The following SH3RF3 variants were observed in gnomAD, a reference collection of about 807,000 sequenced individuals.
SH3RF3 encodes SH3 domain containing ring finger 3, also known as E3 ubiquitin-protein ligase SH3RF3.
In SH3RF3, 29 loss-of-function variants were observed where a neutral mutation model predicts 66.3. The observed-to-expected ratio is 0.44, with a 90% CI of 0.33 to 0.60. The LOEUF is 0.60. Among genes scored for constraint, SH3RF3 ranks in the 20% least tolerant of loss-of-function variants. The pLI is 0.04. For synonymous variants in SH3RF3, 583 were observed against 532.0 expected, an observed-to-expected ratio of 1.10 and a Z score of -1.32; for missense variants, 1,194 against 1,190.9, an observed-to-expected ratio of 1.00 and a Z score of -0.04.
chr2:109,199,362 A>G (rs1213172926), intron 1 of SH3RF3, among the ~76,000 whole-genome samples: 4 of 21,496 alleles, frequency 1.9e-4, no homozygotes, highest in Admixed American at 6.9e-4. Flanking sequence ...ATGGAATGGA[A>G]TGGAATGGAA....
chr2:109,456,472 G>A (rs558203061), intron 8 of SH3RF3, among the ~76,000 whole-genome samples: 2 of 152,340 alleles, frequency 1.3e-5, no homozygotes, highest in South Asian at 4.1e-4. Flanking sequence ...TGACAGGAGT[G>A]GCAACCTTTC....
intron 1 of SH3RF3, among the ~76,000 whole-genome samples, chr2:109,135,117 A>T (rs1025593275): frequency 2.0e-5 from 3 of 152,184 alleles, no homozygotes; most frequent in African/African-American, 7.2e-5. Flanking sequence ...TCCCATGACA[A>T]CACCCAGTAG....
chr2:109,412,916 C>T (rs917804570), intron 4 of SH3RF3, among the ~76,000 whole-genome samples: 3 of 152,224 alleles, frequency 2.0e-5, no homozygotes, highest in Non-Finnish European at 4.4e-5. Context: ...CCTCCATTTC[C>T]ACTCTGCATA....
intron 1 of SH3RF3, among the ~76,000 whole-genome samples, chr2:109,318,730 C>T (rs898414110): frequency 2.0e-5 from 3 of 152,166 alleles, no homozygotes; most frequent in African/African-American, 7.2e-5. Context: ...GGCCAGCCGC[C>T]AGATACTGAC....
At chr2:109,145,115 C>A (rs918346933) in intron 1 of SH3RF3, among the ~76,000 whole-genome samples, 1 of 152,184 alleles carries the variant, frequency 6.6e-6, no homozygotes, top group Non-Finnish European at 1.5e-5. Context: ...CTTCCCTCAC[C>A]GGCTCTGTCT....
At chr2:109,160,876 G>T (rs1440457657) in intron 1 of SH3RF3, among the ~76,000 whole-genome samples, 1 of 152,196 alleles carries the variant, frequency 6.6e-6, no homozygotes, top group African/African-American at 2.4e-5. Context: ...AAGGCTGCAG[G>T]TGGGCCACTG....
intron 1 of SH3RF3, among the ~76,000 whole-genome samples, chr2:109,225,796 C>T (rs903091803): frequency 3.3e-5 from 5 of 152,224 alleles, no homozygotes; most frequent in African/African-American, 4.8e-5. Flanking sequence ...GATAGGGTCT[C>T]GCTCTGTTGC....
chr2:109,242,579 G>A (rs1452993040), intron 1 of SH3RF3, among the ~76,000 whole-genome samples: 2 of 152,224 alleles, frequency 1.3e-5, no homozygotes, highest in African/African-American at 2.4e-5. Context: ...CGTGCCCCAG[G>A]CCGGCCTAGC....
intron 4 of SH3RF3, among the ~76,000 whole-genome samples, chr2:109,417,501 T>C (rs1676757359): frequency 6.6e-6 from 1 of 152,114 alleles, no homozygotes; most frequent in African/African-American, 2.4e-5. Flanking sequence ...CTTTCCTGCT[T>C]CCGCATGTGG....
At chr2:109,130,716 C>T (rs570840748) in intron 1 of SH3RF3, among the ~76,000 whole-genome samples, 1 of 152,310 alleles carries the variant, frequency 6.6e-6, no homozygotes, top group Admixed American at 6.5e-5. Context: ...AAGCCAAGGT[C>T]TTCTCCTGGG....
At chr2:109,494,345 T>C (rs145790641) in intron 9 of SH3RF3, among the ~76,000 whole-genome samples, 15,058 of 152,116 alleles carry the variant, frequency 0.099, 1,206 homozygotes, top group Admixed American at 0.23. Context: ...GAGAAGTGTT[T>C]CCAAAAAACA....
At chr2:109,383,849 TC>T (rs1487577065) in intron 3 of SH3RF3, among the ~76,000 whole-genome samples, 1 of 152,206 alleles carries the variant, frequency 6.6e-6, no homozygotes, top group African/African-American at 2.4e-5. Flanking sequence ...GATCAGTCCG[TC>T]CTTATACCCT....
intron 2 of SH3RF3, among the ~76,000 whole-genome samples, chr2:109,351,361 G>A (rs755044351): frequency 7.2e-5 from 11 of 152,352 alleles, no homozygotes; most frequent in South Asian, 2.1e-4. Context: ...CAGGATGCCA[G>A]TGTGCACTCT....
At chr2:109,309,265 C>T (rs1681671378) in intron 1 of SH3RF3, among the ~76,000 whole-genome samples, 2 of 147,694 alleles carry the variant, frequency 1.4e-5, no homozygotes, top group African/African-American at 5.2e-5. Flanking sequence ...GATTTTTGTA[C>T]ATTGATTTTG....
At chr2:109,339,331 G>A (rs1215745529) in intron 1 of SH3RF3, among the ~76,000 whole-genome samples, 4 of 152,176 alleles carry the variant, frequency 2.6e-5, no homozygotes, top group Non-Finnish European at 5.9e-5. Flanking sequence ...TGTATATATA[G>A]TAAGATGATG....
intron 2 of SH3RF3, among the ~76,000 whole-genome samples, chr2:109,371,298 G>C (rs1370159226): frequency 6.6e-6 from 1 of 152,242 alleles, no homozygotes; most frequent in Non-Finnish European, 1.5e-5. Flanking sequence ...GCTGAGGCAG[G>C]AGAATCGCTT....
In SH3RF3 at chr2:109,264,035, A is replaced by G. The variant is rs151242722; in HGVS notation, c.574-83639A>G. ...GGTCAGGACACTCCAGAAGCCCTACATGGTTTGCAAAACCATCTGGGCTGT... is the reference window on the plus strand; with the variant it reads ...GGTCAGGACACTCCAGAAGCCCTACGTGGTTTGCAAAACCATCTGGGCTGT... On this transcript the variant is annotated intron_variant, in intron 1 of 9. Transcript: ENST00000309415. Among the ~76,000 whole-genome samples the G allele has an allele frequency of 6.3e-3, 956 of 152,290 alleles. 4 individuals carry two copies. The highest frequency in any genetic ancestry group is 9.3e-3 in the Non-Finnish European group (630 of 68,026).
At chr2:109,418,206 A>C (rs1676775920) in intron 4 of SH3RF3, among the ~76,000 whole-genome samples, 1 of 152,054 alleles carries the variant, frequency 6.6e-6, no homozygotes, top group African/African-American at 2.4e-5. Flanking sequence ...CGTCAGGCCT[A>C]CACGGGATCC....
intron 1 of SH3RF3, among the ~76,000 whole-genome samples, chr2:109,270,663 G>A (rs530403799): frequency 7.9e-5 from 12 of 152,314 alleles, no homozygotes; most frequent in Admixed American, 2.6e-4. Context: ...TGACATAGGT[G>A]TCTTGGCCCC....
Sources: gnomAD v4.1 joint callset for allele counts (sites outside exome capture counted in the v4.1 genomes callset) on GRCh38, gnomAD v4.1.1 for gene constraint, MANE v1.5 for transcripts, NCBI Gene and HGNC (gene_info 2026-07-23, HGNC 2026-07-21) for gene names.